The following PPP1R37 variants were observed in gnomAD, a reference collection of about 807,000 sequenced individuals.
PPP1R37 encodes protein phosphatase 1 regulatory subunit 37, also known as leucine rich repeat containing 68.
PPP1R37 carries 21 observed loss-of-function variants against 61.0 expected under a neutral mutation model. That is an observed-to-expected ratio of 0.34 (90% CI 0.24 to 0.50). The LOEUF is 0.50. Ranked by LOEUF, PPP1R37 falls within the 20% of genes least tolerant of loss-of-function variation. The pLI is 0.98. For missense variants in PPP1R37, 910 were observed against 952.7 expected, an observed-to-expected ratio of 0.96 and a Z score of 0.59; for synonymous variants, 443 against 433.5, an observed-to-expected ratio of 1.02 and a Z score of -0.27.
chr19:45,120,709 G>A (rs531085490), intron 1 of PPP1R37, among the ~76,000 whole-genome samples: 110 of 152,018 alleles, frequency 7.2e-4, no homozygotes, highest in Non-Finnish European at 1.0e-3. Context: ...TGCAACATCC[G>A]CCTCCCAGGT....
chr19:45,108,145 A>T (rs541134747), intron 1 of PPP1R37, among the ~76,000 whole-genome samples: 1 of 152,134 alleles, frequency 6.6e-6, no homozygotes, highest in Non-Finnish European at 1.5e-5. Flanking sequence ...TTCTGTCGTC[A>T]TAGTCACCAC....
intron 1 of PPP1R37, among the ~76,000 whole-genome samples, chr19:45,131,073 G>A (rs1356042333): frequency 6.8e-6 from 1 of 148,126 alleles, no homozygotes; most frequent in African/African-American, 2.4e-5. Context: ...CATCTCTTGG[G>A]TACCATTGCA....
intron 1 of PPP1R37, among the ~76,000 whole-genome samples, chr19:45,110,263 G>A (rs1968184403): frequency 1.3e-5 from 2 of 151,942 alleles, no homozygotes; most frequent in East Asian, 1.9e-4. Context: ...CCACAGGCAC[G>A]TACCACTACA....
At chr19:45,116,779 C>T (rs996749547) in intron 1 of PPP1R37, among the ~76,000 whole-genome samples, 2 of 152,040 alleles carry the variant, frequency 1.3e-5, no homozygotes, top group South Asian at 2.1e-4. Context: ...GGACAGAAAA[C>T]GAGCAAGTAG....
intron 1 of PPP1R37, chr19:45,128,623 C>T (rs1288079419): frequency 7.9e-7 from 1 of 1,264,806 alleles, no homozygotes; most frequent in Non-Finnish European, 1.1e-6. Context: ...GCCTCCTTCC[C>T]AATGCAGTGC....
At chr19:45,138,322 T>C (rs865970431) in intron 1 of PPP1R37, among the ~76,000 whole-genome samples, 192 bp from the exon 2 acceptor site, 1 of 151,610 alleles carries the variant, frequency 6.6e-6, no homozygotes, top group Non-Finnish European at 1.5e-5. Context: ...GGGGTGGGGG[T>C]GCCCAAGGGC....
intron 1 of PPP1R37, among the ~76,000 whole-genome samples, chr19:45,110,463 T>C (rs2122718442): frequency 6.6e-6 from 1 of 152,278 alleles, no homozygotes; most frequent in African/African-American, 2.4e-5. Context: ...GAAATGTTCT[T>C]TTCTCTTATG....
At chr19:45,144,696 C>T (rs959442750) in intron 8 of PPP1R37, 158 bp from the exon 9 acceptor site, 6 of 627,506 alleles carry the variant, frequency 9.6e-6, no homozygotes, top group Non-Finnish European at 1.6e-5. Flanking sequence ...TCAGGCCAGG[C>T]CTGCGGCAGG....
intron 1 of PPP1R37, among the ~76,000 whole-genome samples, chr19:45,129,384 C>T (rs1968448804): frequency 6.6e-6 from 1 of 152,166 alleles, no homozygotes; most frequent in African/African-American, 2.4e-5. Flanking sequence ...ACTGCAACCT[C>T]CACCTCTTGG....
rs1377186240 is a variant in PPP1R37 at position 45,144,908 on chromosome 19, G to A, written c.1042G>A (p.Glu348Lys). 6.5e-7 allele frequency: 1 copy of A among 1,535,726 alleles called. No individual in the cohort carries two copies. The highest frequency in any genetic ancestry group is 8.7e-7 in the Non-Finnish European group (1 of 1,146,714). The change falls in exon 9 of 13, where the codon GAG becomes AAG. Residue 348 changes from glutamate to lysine, a missense_variant. Coordinates refer to ENST00000221462, the MANE Select transcript of PPP1R37 (RefSeq NM_019121.2). ...CCTGGGCCACAACCCCATCGGGAAC[G>A]AGGGTGTGCGGCACCTCAAGAACGG... is the stretch of plus-strand genomic sequence containing the variant. ...LNLGHNPIGN[E>K]GVRHLKNGLI...
chr19:45,142,244 G>A (rs1456584633), intron 6 of PPP1R37, 33 bp downstream of exon 6: 2 of 1,533,478 alleles, frequency 1.3e-6, no homozygotes, highest in East Asian at 2.4e-5. Flanking sequence ...TGAGCAGGAT[G>A]TGCAGCCTGT....
In PPP1R37 at chr19:45,131,444, TC is replaced by T. The variant is rs367720389; in HGVS notation, c.203-7068del. ...GTGCTGTGGTTTCAGGTCAAGACAG[TC>T]CTGGGGTGTGTTCCAGTCCTGCCAC... On this transcript the variant is annotated intron_variant, in intron 1 of 12. Transcript: ENST00000221462. Among the ~76,000 whole-genome samples the T allele has an allele frequency of 1.6e-4, 24 of 152,306 alleles. No homozygotes were observed. In the East Asian group the frequency reaches 4.6e-3, roughly 29 times the overall value.
chr19:45,102,272 G>T (rs1010406315), intron 1 of PPP1R37, among the ~76,000 whole-genome samples: 6 of 152,228 alleles, frequency 3.9e-5, no homozygotes, highest in Non-Finnish European at 5.9e-5. Flanking sequence ...AAACACGTCT[G>T]GCCCAAGGGT....
intron 8 of PPP1R37, chr19:45,143,834 C>A: frequency 2.1e-6 from 1 of 466,894 alleles, no homozygotes; most frequent in Non-Finnish European, 3.8e-6. Flanking sequence ...CTTTCATTAT[C>A]TCCTTTTTTT....
intron 1 of PPP1R37, among the ~76,000 whole-genome samples, chr19:45,108,520 T>TA (rs1424716722): frequency 6.6e-6 from 1 of 152,026 alleles, no homozygotes; most frequent in Non-Finnish European, 1.5e-5. Flanking sequence ...ATTTTTTTTT[T>TA]AATGATTGAA....
Position 45,145,941 on chromosome 19 carries a change from T to G in PPP1R37, c.1885T>G (p.Ser629Ala). ...EPQPPPEPPRSGPPLPNGLKP... is the reference protein window; with the variant it reads ...EPQPPPEPPRAGPPLPNGLKP... ...TCAGCCACCACCGGAGCCGCCTCGG[T>G]CAGGGCCACCACTGCCCAACGGCCT... is the stretch of plus-strand genomic sequence containing the variant. Residue 629 changes from serine to alanine, a missense_variant, in exon 11 of 13, where the codon TCA becomes GCA. By Grantham distance (99) the Ser-to-Ala change is moderately conservative (BLOSUM62 1). Around this residue, in one of 3 missense-constraint regions of PPP1R37, gnomAD observed 549 missense variants for 505.1 expected, o/e 1.09. Transcript: ENST00000221462. 2 of 1,534,328 alleles carry G rather than the reference T, an allele frequency of 1.3e-6. No homozygotes were observed. The highest frequency in any genetic ancestry group is 8.7e-7 in the Non-Finnish European group (1 of 1,146,398).
chr19:45,146,235 T>C, intron 11 of PPP1R37, 155 bp from the exon 12 acceptor site: 1 of 871,872 alleles, frequency 1.1e-6, no homozygotes, highest in Non-Finnish European at 1.7e-6. Flanking sequence ...CTTCCTGGGG[T>C]GGGGGGGCAT....
intron 1 of PPP1R37, among the ~76,000 whole-genome samples, chr19:45,111,288 T>A (rs1968197249): frequency 6.6e-6 from 1 of 151,646 alleles, no homozygotes; most frequent in South Asian, 2.1e-4. Context: ...TTATTATTTT[T>A]AATTGAGACA....
rs1968643485 is a variant in PPP1R37, at chr19:45,143,645, T to C, written c.987+12T>C. ...TGGGCATGACACTGGTGAGTCAGGCTGGCAGGGAAGGGAGGCACCTCGGTC... is the reference window on the plus strand; with the variant it reads ...TGGGCATGACACTGGTGAGTCAGGCCGGCAGGGAAGGGAGGCACCTCGGTC... On this transcript the variant is annotated intron_variant, in intron 8 of 12. Coordinates refer to ENST00000221462, the MANE Select transcript of PPP1R37 (RefSeq NM_019121.2). The C allele has an allele frequency of 6.6e-7, 1 of 1,505,980 alleles. No homozygotes were observed. Among genetic ancestry groups the C allele is most frequent in the Admixed American group, 2.0e-5 (1 of 50,878 alleles). 93.3% of individuals were successfully genotyped at this position (1,505,980 alleles called of 1,614,324 possible). A position where few individuals can be genotyped will look rare whatever the true frequency, so the allele number is the denominator to read the frequency against.
Sources: allele counts gnomAD v4.1 joint callset (sites outside exome capture counted in the v4.1 genomes callset), GRCh38; gene constraint gnomAD v4.1.1; regional missense constraint gnomAD v4.1.1; transcripts MANE v1.5; gene names NCBI Gene and HGNC (gene_info 2026-07-23, HGNC 2026-07-21).